Variants in LRFN2 observed in about 807,000 individuals in gnomAD.
LRFN2 encodes the protein leucine-rich repeat and fibronectin type-III domain-containing protein 2.
A neutral mutation model predicts 37.3 loss-of-function variants in LRFN2; 18 were observed. That is an observed-to-expected ratio of 0.48 (90% CI 0.33 to 0.72). The LOEUF (loss-of-function observed/expected upper bound fraction) is 0.72, where lower values mean the gene tolerates loss of function less well. Among genes scored for constraint, LRFN2 ranks in the 30% least tolerant of loss-of-function variants. The probability of loss-of-function intolerance (pLI) is 0.02; values close to 1 mark genes in which losing one functional copy is unlikely to be tolerated. For missense variants in LRFN2, 1,006 were observed against 1,060.7 expected, an observed-to-expected ratio of 0.95 and a Z score of 0.72; for synonymous variants, 556 against 466.6, an observed-to-expected ratio of 1.19 and a Z score of -2.47.
intron 1 of LRFN2, among the ~76,000 whole-genome samples, chr6:40,463,265 G>A (rs1433725): frequency 0.12 from 18,916 of 152,178 alleles, 1,396 homozygotes; most frequent in Admixed American, 0.22. Context: ...ATAGTATTTT[G>A]TCTACAAACA....
intron 1 of LRFN2, among the ~76,000 whole-genome samples, chr6:40,450,877 C>G (rs1764086452): frequency 6.6e-6 from 1 of 152,160 alleles, no homozygotes; most frequent in African/African-American, 2.4e-5. Flanking sequence ...TTTGAATGCT[C>G]AGACAGAGGA....
intron 1 of LRFN2, among the ~76,000 whole-genome samples, chr6:40,586,384 G>A (rs1386984088): frequency 6.6e-6 from 1 of 152,204 alleles, no homozygotes; most frequent in East Asian, 1.9e-4. Flanking sequence ...TCTGCCTGAG[G>A]CCAGCATAGG....
intron 1 of LRFN2, among the ~76,000 whole-genome samples, chr6:40,585,077 G>A (rs1239410031): frequency 6.6e-6 from 1 of 152,118 alleles, no homozygotes; most frequent in Admixed American, 6.5e-5. Flanking sequence ...ACAGAAGAAG[G>A]AGCCCTGAAC....
At chr6:40,546,260 G>A (rs565021509) in intron 1 of LRFN2, among the ~76,000 whole-genome samples, 1 of 152,300 alleles carries the variant, frequency 6.6e-6, no homozygotes, top group East Asian at 1.9e-4. Context: ...TGCAGCTGAG[G>A]ATGCAGCTCT....
intron 2 of LRFN2, among the ~76,000 whole-genome samples, chr6:40,410,826 T>A (rs959229333): frequency 3.3e-5 from 5 of 152,298 alleles, no homozygotes; most frequent in African/African-American, 1.2e-4. Flanking sequence ...CTATGGGATT[T>A]GTTCATTAGC....
intron 2 of LRFN2, among the ~76,000 whole-genome samples, chr6:40,405,959 A>G (rs1762836343): frequency 1.3e-5 from 2 of 152,202 alleles, no homozygotes; most frequent in Non-Finnish European, 2.9e-5. Context: ...TGCAGCTGCC[A>G]GGCAAGGACT....
At chr6:40,583,038 C>A (rs566264902) in intron 1 of LRFN2, among the ~76,000 whole-genome samples, 3 of 152,164 alleles carry the variant, frequency 2.0e-5, no homozygotes, top group Admixed American at 2.0e-4. Context: ...CCTCTTCTAA[C>A]TAACACTTAC....
chr6:40,531,066 T>C (rs1766333177), intron 1 of LRFN2, among the ~76,000 whole-genome samples: 1 of 152,146 alleles, frequency 6.6e-6, no homozygotes, highest in Non-Finnish European at 1.5e-5. Flanking sequence ...AAACAGACCA[T>C]GTAACCAGCA....
At chr6:40,430,134 C>A (rs918670162) in intron 2 of LRFN2, among the ~76,000 whole-genome samples, 3 of 152,146 alleles carry the variant, frequency 2.0e-5, no homozygotes, top group Non-Finnish European at 2.9e-5. Context: ...TATATATGTG[C>A]ACATATGCAT....
chr6:40,507,252 C>T (rs1251432923), intron 1 of LRFN2, among the ~76,000 whole-genome samples: 1 of 152,148 alleles, frequency 6.6e-6, no homozygotes, highest in Admixed American at 6.5e-5. Flanking sequence ...GTCTCAGAGC[C>T]AGACTAATAT....
intron 1 of LRFN2, among the ~76,000 whole-genome samples, chr6:40,562,148 C>A (rs776658972): frequency 4.6e-5 from 7 of 152,122 alleles, no homozygotes; most frequent in Non-Finnish European, 8.8e-5. Context: ...TGATAAGAGG[C>A]AGATGAGGGG....
chr6:40,479,916 A>G (rs2113862792), intron 1 of LRFN2, among the ~76,000 whole-genome samples: 1 of 152,378 alleles, frequency 6.6e-6, no homozygotes, highest in East Asian at 1.9e-4. Context: ...TTTGGCTTAA[A>G]GCCTGTTATT....
At chr6:40,433,777 T>A (rs187844848) in intron 1 of LRFN2, among the ~76,000 whole-genome samples, 125 of 152,278 alleles carry the variant, frequency 8.2e-4, no homozygotes, top group Admixed American at 3.3e-3. Flanking sequence ...AGTTTATGAA[T>A]CTTTGAGAAT....
chr6:40,573,497 C>T (rs1045727318), intron 1 of LRFN2, among the ~76,000 whole-genome samples: 1 of 152,178 alleles, frequency 6.6e-6, no homozygotes, highest in Non-Finnish European at 1.5e-5. Context: ...CTGAGCCTGC[C>T]GGAGCTCCAT....
chr6:40,422,397 A>C (rs976260825), intron 2 of LRFN2, among the ~76,000 whole-genome samples: 8 of 152,200 alleles, frequency 5.3e-5, no homozygotes, highest in African/African-American at 1.7e-4. Flanking sequence ...GGAGAGCCTT[A>C]AAAACGAGAA....
intron 1 of LRFN2, among the ~76,000 whole-genome samples, chr6:40,506,106 C>A (rs73734504): frequency 6.6e-6 from 1 of 152,198 alleles, no homozygotes; most frequent in African/African-American, 2.4e-5. Flanking sequence ...CAGGACTAGA[C>A]GCACTTTAGA....
chr6:40,549,932 G>T (rs1353336415), intron 1 of LRFN2, among the ~76,000 whole-genome samples: 7 of 152,126 alleles, frequency 4.6e-5, no homozygotes, highest in African/African-American at 1.7e-4. Flanking sequence ...TACCTGGGAG[G>T]CTGAAGCAGG....
At chr6:40,574,708 C>T (rs1386818926) in intron 1 of LRFN2, among the ~76,000 whole-genome samples, 1 of 152,170 alleles carries the variant, frequency 6.6e-6, no homozygotes, top group East Asian at 1.9e-4. Flanking sequence ...CCAGGCAGCT[C>T]CGGAGAGAGA....
intron 1 of LRFN2, among the ~76,000 whole-genome samples, chr6:40,517,020 T>A (rs970045025): frequency 3.9e-5 from 6 of 152,196 alleles, no homozygotes; most frequent in African/African-American, 1.4e-4. Context: ...AGTCCCTGCC[T>A]GCATAGGGCT....
Sources: gnomAD v4.1 joint callset for allele counts (sites outside exome capture counted in the v4.1 genomes callset) on GRCh38, gnomAD v4.1.1 for gene constraint, MANE v1.5 for transcripts, NCBI Gene and HGNC (gene_info 2026-07-23, HGNC 2026-07-21) for gene names.